The following KAZN variants were observed in gnomAD, a reference collection of about 807,000 sequenced individuals.
KAZN encodes kazrin.
A neutral mutation model predicts 87.4 loss-of-function variants in KAZN; 40 were observed. The observed-to-expected ratio is 0.46, with a 90% CI of 0.36 to 0.60. The LOEUF (loss-of-function observed/expected upper bound fraction) is 0.60. Ranked by LOEUF, KAZN falls within the 20% of genes least tolerant of loss-of-function variation. The pLI, the probability that KAZN is intolerant of heterozygous loss-of-function variation, is 0.00. For missense variants in KAZN, 898 were observed against 1,073.9 expected, an observed-to-expected ratio of 0.84 and a Z score of 2.29; for synonymous variants, 466 against 458.3, an observed-to-expected ratio of 1.02 and a Z score of -0.22.
At chr1:14,817,678 A>G (rs562544091) in intron 1 of KAZN, among the ~76,000 whole-genome samples, 16 of 152,338 alleles carry the variant, frequency 1.1e-4, no homozygotes, top group African/African-American at 3.8e-4. Context: ...GAAAATTAAA[A>G]GTACATATAA....
rs71000361 is a variant in KAZN, at chr1:15,043,633, C to CTT, written c.556-329_556-328dup. ...CACATGTCATGGGGCCTCCCCACTT[C>CTT]TTTTTTTTTTTTTTTTTTTTTTTTT... is the stretch of plus-strand genomic sequence containing the variant. On this transcript the variant is annotated intron_variant, in intron 3 of 14. Coordinates refer to ENST00000376030, the MANE Select transcript of KAZN (RefSeq NM_201628.3). 5.4e-4 allele frequency among the ~76,000 whole-genome samples: 39 copies of CTT among 72,614 alleles called. 1 individual carries two copies. The highest frequency in any genetic ancestry group is 2.2e-3 in the South Asian group (4 of 1,806). The allele number at this position is 72,614 out of a possible 152,430, so 47.6% of individuals were successfully genotyped here.
At chr1:14,595,415 C>G (rs61771949), upstream of KAZN, among the ~76,000 whole-genome samples, 2 of 151,920 alleles carry the variant, frequency 1.3e-5, no homozygotes, top group African/African-American at 2.4e-5. Context: ...CTGTGGCTCA[C>G]GCCTGCAATC....
intron 2 of KAZN, among the ~76,000 whole-genome samples, chr1:14,320,899 T>G (rs780791102): frequency 1.3e-5 from 2 of 152,216 alleles, no homozygotes; most frequent in Non-Finnish European, 2.9e-5. Flanking sequence ...GAGTTAGACA[T>G]CTAAAGTCTC....
chr1:14,719,453 A>G (rs1642977617), intron 1 of KAZN, among the ~76,000 whole-genome samples: 1 of 152,214 alleles, frequency 6.6e-6, no homozygotes, highest in Admixed American at 6.5e-5. Context: ...TACCAGTGCT[A>G]TGGAGAAACA....
At chr1:14,514,354 T>TTATATATA (rs1671099525) in intron 2 of KAZN, among the ~76,000 whole-genome samples, 4 of 10,980 alleles carry the variant, frequency 3.6e-4, no homozygotes, top group African/African-American at 1.4e-3. Context: ...TTATATATAT[T>TTATATATA]ATATATATAT....
At chr1:14,049,261 A>C (rs1295685696) in intron 1 of KAZN, among the ~76,000 whole-genome samples, 1 of 152,090 alleles carries the variant, frequency 6.6e-6, no homozygotes, top group Non-Finnish European at 1.5e-5. Flanking sequence ...GTGGGAATTG[A>C]ACAATGAGAA....
rs577277918 is a variant in KAZN, at chr1:14,506,605, A to C, written c.250-92378A>C. Reference sequence around the variant, plus strand: ...CAAAGTGGGGATCATCATTATATTTATCTGGGTGGCTGTTGTGAGGATTGA... The same window carrying C: ...CAAAGTGGGGATCATCATTATATTTCTCTGGGTGGCTGTTGTGAGGATTGA... On this transcript the variant is annotated intron_variant, in intron 2 of 16. Coordinates refer to the KAZN transcript ENST00000636203. 1.1e-4 allele frequency among the ~76,000 whole-genome samples: 17 copies of C among 152,256 alleles called. No individual in the cohort carries two copies. In the East Asian group the frequency reaches 3.3e-3, roughly 29 times the overall value.
At chr1:14,624,743 G>A (rs74534879) in intron 1 of KAZN, among the ~76,000 whole-genome samples, 20 of 152,170 alleles carry the variant, frequency 1.3e-4, no homozygotes, top group African/African-American at 4.6e-4. Context: ...GGCTGAACAC[G>A]ACCTGGTCAC....
intron 2 of KAZN, among the ~76,000 whole-genome samples, chr1:14,476,381 G>T (rs1668724947): frequency 1.3e-5 from 2 of 152,124 alleles, no homozygotes; most frequent in Admixed American, 1.3e-4. Context: ...GCTCGTCTTT[G>T]TTCCTTGGGC....
chr1:14,580,508 A>G (rs899551307), intron 2 of KAZN, among the ~76,000 whole-genome samples: 1 of 143,384 alleles, frequency 7.0e-6, no homozygotes, highest in East Asian at 2.0e-4. Context: ...ATAAATAAAT[A>G]AATAAATAAA....
chr1:14,327,761 C>T (rs1003798877), intron 2 of KAZN, among the ~76,000 whole-genome samples: 1 of 152,136 alleles, frequency 6.6e-6, no homozygotes, highest in African/African-American at 2.4e-5. Context: ...ATCAGCCCCA[C>T]GGTGTTCTTT....
At chr1:13,900,020 A>C (rs1639188589) in intron 1 of KAZN, among the ~76,000 whole-genome samples, 1 of 152,144 alleles carries the variant, frequency 6.6e-6, no homozygotes, top group Admixed American at 6.5e-5. Flanking sequence ...CCATATCATT[A>C]GTCATTTTAT....
intron 2 of KAZN, among the ~76,000 whole-genome samples, chr1:14,435,119 C>T (rs977629533): frequency 3.3e-5 from 5 of 152,132 alleles, no homozygotes; most frequent in Non-Finnish European, 7.3e-5. Flanking sequence ...GAGTCCTAGC[C>T]CTCTGCCCTG....
intron 1 of KAZN, among the ~76,000 whole-genome samples, chr1:14,152,325 CT>C (rs796688423): frequency 5.9e-5 from 9 of 152,330 alleles, no homozygotes; most frequent in African/African-American, 1.9e-4. Flanking sequence ...GTACCTCCCC[CT>C]GACCCTCCAA....
At chr1:13,930,560 G>A (rs920199682) in intron 1 of KAZN, among the ~76,000 whole-genome samples, 3 of 152,072 alleles carry the variant, frequency 2.0e-5, no homozygotes, top group Non-Finnish European at 4.4e-5. Context: ...ATGCTACTAT[G>A]TGGTGCTGTG....
intron 1 of KAZN, among the ~76,000 whole-genome samples, chr1:14,741,501 A>C (rs1185552451): frequency 6.6e-6 from 1 of 152,238 alleles, no homozygotes; most frequent in African/African-American, 2.4e-5. Flanking sequence ...GTCTGTCAGA[A>C]TCTCCCATCA....
intron 1 of KAZN, among the ~76,000 whole-genome samples, chr1:14,101,274 G>T (rs72862542): frequency 0.042 from 6,425 of 152,170 alleles, 473 homozygotes; most frequent in African/African-American, 0.15. Context: ...TATTTATTAC[G>T]TGCTTATTAT....
chr1:14,759,188 G>T (rs1447852787), intron 1 of KAZN, among the ~76,000 whole-genome samples: 1 of 152,288 alleles, frequency 6.6e-6, no homozygotes, highest in South Asian at 2.1e-4. Flanking sequence ...AGGAGCTCGC[G>T]TTCCTATCTC....
chr1:14,918,805 A>C (rs1658187120), intron 1 of KAZN, among the ~76,000 whole-genome samples: 2 of 147,750 alleles, frequency 1.4e-5, no homozygotes, highest in Admixed American at 6.8e-5. Flanking sequence ...GTTTGGAAGT[A>C]GATTGTCCCT....
Sources: allele counts gnomAD v4.1 joint callset (sites outside exome capture counted in the v4.1 genomes callset), GRCh38; gene constraint gnomAD v4.1.1; transcripts MANE v1.5; gene names NCBI Gene and HGNC (gene_info 2026-07-23, HGNC 2026-07-21).